The following VWA3B variants were observed in gnomAD, a reference collection of about 807,000 sequenced individuals.
The protein encoded by VWA3B is von Willebrand factor A domain-containing protein 3B.
VWA3B carries 138 observed loss-of-function variants against 158.3 expected under a neutral mutation model. The observed-to-expected ratio is 0.87, with a 90% confidence interval of 0.76 to 1.00. VWA3B has a LOEUF of 1.00. Ranked by LOEUF, VWA3B falls within the 50% of genes least tolerant of loss-of-function variation. The probability of loss-of-function intolerance (pLI) is 0.00; values close to 1 mark genes in which losing one functional copy is unlikely to be tolerated. For synonymous variants in VWA3B, 596 were observed against 587.3 expected (o/e 1.01, Z -0.21); for missense variants, 1,555 against 1,565.1 (o/e 0.99, Z 0.11).
downstream of VWA3B, among the ~76,000 whole-genome samples, chr2:98,313,599 C>T (rs776839165): frequency 1.4e-4 from 22 of 152,200 alleles, no homozygotes; most frequent in Non-Finnish European, 2.5e-4. Flanking sequence ...TTCATACGTG[C>T]ATGCATGTGA....
chr2:98,210,516 T>C (rs1049147481), intron 12 of VWA3B, among the ~76,000 whole-genome samples: 2 of 152,200 alleles, frequency 1.3e-5, no homozygotes, highest in Non-Finnish European at 2.9e-5. Context: ...GCTTACTAAG[T>C]ATCTATTGAA....
At chr2:98,123,822 G>A (rs911364842) in intron 5 of VWA3B, among the ~76,000 whole-genome samples, 2 of 152,238 alleles carry the variant, frequency 1.3e-5, no homozygotes, top group Non-Finnish European at 2.9e-5. Flanking sequence ...GAAGGGTGGT[G>A]TACAGGATGA....
intron 19 of VWA3B, among the ~76,000 whole-genome samples, chr2:98,245,785 G>A: frequency 6.6e-6 from 1 of 152,064 alleles, no homozygotes; most frequent in East Asian, 1.9e-4. Flanking sequence ...AAAACCCAAG[G>A]GACTTTCATT....
chr2:98,312,273 C>G lies in VWA3B; in HGVS notation c.3809C>G (p.Pro1270Arg), dbSNP rs1315709087. 1.2e-6 allele frequency: 2 copies of G among 1,614,074 alleles called. No homozygotes were observed. Among genetic ancestry groups the G allele is most frequent in the Admixed American group, 3.3e-5 (2 of 60,010 alleles). Residue 1270 changes from proline to arginine, a missense_variant, in exon 28 of 28, where the codon CCT (proline) becomes CGT (arginine). Pro to Arg is a moderately radical substitution (Grantham distance 103). Transcript: ENST00000477737. ...SSHAIIATPP[P>R]RAALPCTLQA... The stretch of plus-strand genomic sequence containing the variant: ...CACGCCATCATTGCCACACCTCCAC[C>G]TCGAGCAGCCCTGCCCTGTACTCTC...
chr2:98,321,775 T>C, the VWA3B span, among the ~76,000 whole-genome samples: 2 of 152,210 alleles, frequency 1.3e-5, no homozygotes, highest in African/African-American at 4.8e-5. Context: ...TTTGGGGTAC[T>C]GTTGGGAAAG....
At chr2:98,115,472 G>C (rs10204649) in intron 2 of VWA3B, among the ~76,000 whole-genome samples, 180 bp from the exon 3 acceptor site, 33,737 of 152,060 alleles carry the variant, frequency 0.22, 3,945 homozygotes, top group African/African-American at 0.29. Context: ...GCCATAGACA[G>C]TTACATTTAT....
At chr2:98,224,458 G>A (rs1269006955) in intron 14 of VWA3B, among the ~76,000 whole-genome samples, 2 of 152,126 alleles carry the variant, frequency 1.3e-5, no homozygotes, top group Admixed American at 6.6e-5. Context: ...TTTCATTGAA[G>A]GAGTAAAATG....
At chr2:98,322,420 G>A in the VWA3B span, among the ~76,000 whole-genome samples, 14 of 152,218 alleles carry the variant, frequency 9.2e-5, no homozygotes, top group South Asian at 6.2e-4. Context: ...AAAGAAAAAC[G>A]CTCAGCATCA....
downstream of VWA3B, among the ~76,000 whole-genome samples, chr2:98,317,331 A>ACCCC (rs11409838): frequency 4.0e-5 from 6 of 150,864 alleles, no homozygotes; most frequent in African/African-American, 1.5e-4. Context: ...AAAATTCTAA[A>ACCCC]CCCCCCCCAG....
chr2:98,144,153 A>C (rs905591741), intron 7 of VWA3B, among the ~76,000 whole-genome samples: 11 of 152,092 alleles, frequency 7.2e-5, no homozygotes, highest in African/African-American at 2.7e-4. Flanking sequence ...ATATGTATGG[A>C]TGGATGGATA....
intron 12 of VWA3B, chr2:98,207,034 G>T: frequency 2.0e-6 from 1 of 498,016 alleles, no homozygotes; most frequent in Non-Finnish European, 4.1e-6. Flanking sequence ...CAGAGACCAA[G>T]AAGTTCAAGA....
chr2:98,230,179 G>A lies in VWA3B; in HGVS notation c.2280G>A (p.Lys760=), dbSNP rs1159415057. Residue 760 remains lysine, a synonymous_variant, in exon 16 of 28, where the codon AAG becomes AAA. Transcript: ENST00000477737. Reference sequence around the variant, plus strand: ...GACCATGGGGCCTTTCAGATCAAAAGGTTCAGAAAAAGAAAGTCCTTCACG... The same window carrying A: ...GACCATGGGGCCTTTCAGATCAAAAAGTTCAGAAAAAGAAAGTCCTTCACG... The part of the protein sequence containing the change: ...LKGPWGLSDQ[K]VQKKKVLHAE... 5 of 1,584,526 alleles carry A rather than the reference G, an allele frequency of 3.2e-6. No individual in the cohort carries two copies. In the East Asian group the frequency reaches 6.8e-5, roughly 21 times the overall value.
chr2:98,244,575 TAAAA>T (rs1297505090), intron 19 of VWA3B, among the ~76,000 whole-genome samples: 1 of 152,154 alleles, frequency 6.6e-6, no homozygotes, highest in Non-Finnish European at 1.5e-5. Flanking sequence ...ACGATAAACT[TAAAA>T]AAAGTTTTGA....
chr2:98,248,886 TC>T (rs1266966180), intron 19 of VWA3B, among the ~76,000 whole-genome samples: 1 of 5,252 alleles, frequency 1.9e-4, no homozygotes, highest in Non-Finnish European at 3.3e-4. Context: ...TTTCTTTCTC[TC>T]TTTCCTTTCT....
chr2:98,312,181 C>CTGAA lies in VWA3B; in HGVS notation c.3736-18_3736-15dup, dbSNP rs775982503. ...AAGACCCTAACATCCTTAAGTAATG[C>CTGAA]TGAACTCTGCTTCCCCAGACAGCCC... On this transcript the variant is annotated intron_variant, in intron 27 of 27. Coordinates refer to ENST00000477737, the MANE Select transcript of VWA3B (RefSeq NM_144992.5). 5.0e-6 allele frequency: 8 copies of CTGAA among 1,614,136 alleles called. No homozygotes were observed. Among genetic ancestry groups the CTGAA allele is most frequent in the Admixed American group, 1.7e-5 (1 of 60,032 alleles).
intron 19 of VWA3B, among the ~76,000 whole-genome samples, chr2:98,243,950 G>A (rs1007383837): frequency 1.3e-5 from 2 of 152,184 alleles, no homozygotes; most frequent in African/African-American, 4.8e-5. Flanking sequence ...TGATTTAGTT[G>A]AAAAACAGTG....
At chr2:98,282,762 T>C (rs1288746560) in intron 22 of VWA3B, among the ~76,000 whole-genome samples, 1 of 152,196 alleles carries the variant, frequency 6.6e-6, no homozygotes, top group Non-Finnish European at 1.5e-5. Flanking sequence ...TTTACAATGT[T>C]CTTTAGTATC....
At chr2:98,293,956 G>T (rs935007017) in intron 23 of VWA3B, among the ~76,000 whole-genome samples, 2 of 151,822 alleles carry the variant, frequency 1.3e-5, no homozygotes, top group East Asian at 1.9e-4. Context: ...TTAGCCTTTC[G>T]TATTATCTTT....
At chr2:98,223,649 CA>C (rs1203105555) in intron 14 of VWA3B, among the ~76,000 whole-genome samples, 1 of 152,052 alleles carries the variant, frequency 6.6e-6, no homozygotes, top group Non-Finnish European at 1.5e-5. Flanking sequence ...CCAAAGAAGC[CA>C]GGGGGAAAAT....
Sources: gnomAD v4.1 joint callset for allele counts (sites outside exome capture counted in the v4.1 genomes callset) on GRCh38, gnomAD v4.1.1 for gene constraint, MANE v1.5 for transcripts, NCBI Gene and HGNC (gene_info 2026-07-23, HGNC 2026-07-21) for gene names.